ZBBX: variants seen among roughly 807,000 people sequenced by gnomAD.
ZBBX encodes the protein zinc finger B-box domain-containing protein 1.
A neutral mutation model predicts 108.5 loss-of-function variants in ZBBX; 101 were observed. The ratio of observed to expected loss-of-function variants is 0.93; its 90% confidence interval spans 0.79 to 1.10. The LOEUF (loss-of-function observed/expected upper bound fraction) is 1.10, where lower values mean the gene tolerates loss of function less well. Ranked by LOEUF, ZBBX falls within the 50% of genes least tolerant of loss-of-function variation. ZBBX has a pLI of 0.00. For missense variants in ZBBX, 1,009 were observed against 941.4 expected (o/e 1.07, Z -0.94); for synonymous variants, 356 against 323.4 (o/e 1.10, Z -1.08).
chr3:167,282,917 G>A (rs1398701260), intron 19 of ZBBX, among the ~76,000 whole-genome samples: 2 of 151,968 alleles, frequency 1.3e-5, no homozygotes, highest in Admixed American at 6.6e-5. Flanking sequence ...AAAAAGCATC[G>A]TGCCACTTCC....
the ZBBX span, among the ~76,000 whole-genome samples, chr3:167,233,514 C>T: frequency 6.6e-6 from 1 of 151,598 alleles, no homozygotes; most frequent in African/African-American, 2.4e-5. Flanking sequence ...GAAAAGCACC[C>T]ATGATCATCA....
intron 20 of ZBBX, among the ~76,000 whole-genome samples, chr3:167,264,658 C>T (rs1725165211): frequency 6.6e-6 from 1 of 152,224 alleles, no homozygotes; most frequent in Admixed American, 6.5e-5. Context: ...TTACACACCA[C>T]CATTACAGTG....
chr3:167,405,200 G>A (rs1748546882), intron 1 of ZBBX, among the ~76,000 whole-genome samples: 1 of 152,186 alleles, frequency 6.6e-6, no homozygotes, highest in Non-Finnish European at 1.5e-5. Flanking sequence ...CAATATGTGA[G>A]TATGACATCA....
At chr3:167,377,917 TGAATCATGGGGACAGTTTCCCCCAC>T (rs1409094901) in intron 2 of ZBBX, among the ~76,000 whole-genome samples, 20 of 152,160 alleles carry the variant, frequency 1.3e-4, no homozygotes, top group African/African-American at 4.8e-4. Flanking sequence ...AGGAGATAAT[TGAATCATGGGGACAGTTTCCCCCAC>T]GCTATTTTCG....
chr3:167,332,221 AT>A (rs1167636395), intron 10 of ZBBX, among the ~76,000 whole-genome samples: 1 of 152,068 alleles, frequency 6.6e-6, no homozygotes, highest in African/African-American at 2.4e-5. Flanking sequence ...TCTGTCGTAT[AT>A]AGCAGTGACT....
intron 16 of ZBBX, among the ~76,000 whole-genome samples, chr3:167,310,230 A>C (rs1370057847): frequency 6.6e-6 from 1 of 152,178 alleles, no homozygotes; most frequent in Non-Finnish European, 1.5e-5. Flanking sequence ...TTCATTGTCC[A>C]TTATCACTAT....
chr3:167,191,237 G>A, the ZBBX span, among the ~76,000 whole-genome samples: 1 of 152,230 alleles, frequency 6.6e-6, no homozygotes. Flanking sequence ...CAGGCAATGT[G>A]TGTGGCTAAC....
Position 167,240,867 on chromosome 3 carries a change from T to A in ZBBX, c.2446A>T (p.Ser816Cys). The A allele has an allele frequency of 6.2e-7, 1 of 1,613,640 alleles. No individual in the cohort carries two copies. Among genetic ancestry groups the A allele is most frequent in the Non-Finnish European group, 8.5e-7 (1 of 1,179,610 alleles). ...IQSLLSLSES[S>C]TDEEEEDFLN... is the part of the protein sequence containing the mutation. ...AAATCTTCCTCCTCCTCATCTGTAC[T>A]GCTCTCAGAAAGTGACAGCAAAGAC... Residue 816 changes from serine to cysteine, a missense_variant, in exon 22 of 22, where the codon AGT becomes TGT. By Grantham distance (112) the Ser-to-Cys change is moderately radical (BLOSUM62 -1). Transcript: ENST00000675490.
At chr3:167,281,895 C>T (rs1367986008) in intron 20 of ZBBX, among the ~76,000 whole-genome samples, 2 of 152,152 alleles carry the variant, frequency 1.3e-5, no homozygotes, top group Non-Finnish European at 2.9e-5. Flanking sequence ...GGATATTGAA[C>T]AGCGGCTTAC....
intron 20 of ZBBX, among the ~76,000 whole-genome samples, chr3:167,251,276 C>A (rs1722547950): frequency 6.6e-6 from 1 of 152,198 alleles, no homozygotes; most frequent in Non-Finnish European, 1.5e-5. Context: ...TACCCCAAGG[C>A]AAGAACCTGG....
intron 20 of ZBBX, among the ~76,000 whole-genome samples, chr3:167,252,539 G>A (rs1722791290): frequency 6.6e-6 from 1 of 150,870 alleles, no homozygotes; most frequent in Non-Finnish European, 1.5e-5. Context: ...CTTTCTCAGA[G>A]TGACCGTATT....
At chr3:167,213,270 C>A in the ZBBX span, among the ~76,000 whole-genome samples, 1 of 152,060 alleles carries the variant, frequency 6.6e-6, no homozygotes, top group Non-Finnish European at 1.5e-5. Flanking sequence ...GATGGCAAAA[C>A]CCAATCTGAG....
chr3:167,232,887 T>C, the ZBBX span, among the ~76,000 whole-genome samples: 10 of 151,780 alleles, frequency 6.6e-5, no homozygotes, highest in African/African-American at 2.2e-4. Context: ...GTTGGGTTGA[T>C]GCTGGTTTGG....
intron 6 of ZBBX, among the ~76,000 whole-genome samples, chr3:167,363,223 G>A (rs535231735): frequency 6.6e-6 from 1 of 151,840 alleles, no homozygotes; most frequent in Non-Finnish European, 1.5e-5. Flanking sequence ...ATGCTGATCA[G>A]CCTCAATGGG....
At chr3:167,252,263 C>T (rs533213918) in intron 20 of ZBBX, 9 of 1,066,210 alleles carry the variant, frequency 8.4e-6, no homozygotes, top group South Asian at 5.3e-5. Flanking sequence ...AATAATGCAG[C>T]TTTCACAGAG....
At chr3:167,351,605 A>G (rs1396670191) in intron 8 of ZBBX, among the ~76,000 whole-genome samples, 1 of 152,148 alleles carries the variant, frequency 6.6e-6, no homozygotes, top group African/African-American at 2.4e-5. Context: ...TAGGAGCCCC[A>G]TAGGCCTCCA....
intron 1 of ZBBX, among the ~76,000 whole-genome samples, 159 bp from the exon 2 acceptor site, chr3:167,379,951 G>A (rs2108627948): frequency 6.6e-6 from 1 of 152,288 alleles, no homozygotes; most frequent in South Asian, 2.1e-4. Flanking sequence ...GTTCACTCTT[G>A]ATTCATTTAT....
intron 12 of ZBBX, among the ~76,000 whole-genome samples, chr3:167,317,808 G>C (rs1041890247): frequency 6.6e-6 from 1 of 151,954 alleles, no homozygotes; most frequent in Non-Finnish European, 1.5e-5. Context: ...CATCACAGAA[G>C]ATTTTTAAAT....
intron 16 of ZBBX, among the ~76,000 whole-genome samples, chr3:167,311,722 A>C (rs1251968920): frequency 6.6e-6 from 1 of 152,118 alleles, no homozygotes; most frequent in Non-Finnish European, 1.5e-5. Flanking sequence ...CAAATCAAAA[A>C]AAAAATGAAA....
Sources: allele counts gnomAD v4.1 joint callset (sites outside exome capture counted in the v4.1 genomes callset), GRCh38; gene constraint gnomAD v4.1.1; transcripts MANE v1.5; gene names NCBI Gene and HGNC (gene_info 2026-07-23, HGNC 2026-07-21).